GATB: variants seen among roughly 807,000 people sequenced by gnomAD.
The protein encoded by GATB is glutamyl-tRNA(Gln) amidotransferase subunit B, mitochondrial.
A neutral mutation model predicts 62.3 loss-of-function variants in GATB; 39 were observed. The ratio of observed to expected loss-of-function variants is 0.63; its 90% CI spans 0.48 to 0.82. GATB has a LOEUF of 0.82. Ranked by LOEUF, GATB falls within the 40% of genes least tolerant of loss-of-function variation. GATB has a pLI of 0.00. For missense variants in GATB, 670 were observed against 684.0 expected (o/e 0.98, Z 0.23); for synonymous variants, 276 against 258.9 (o/e 1.07, Z -0.63).
chr4:151,682,059 G>A (rs1578896969), intron 10 of GATB, among the ~76,000 whole-genome samples: 2 of 152,282 alleles, frequency 1.3e-5, no homozygotes, highest in Middle Eastern at 6.8e-3. Context: ...GACAGAAAAG[G>A]AACACAAAAT....
intron 5 of GATB, among the ~76,000 whole-genome samples, chr4:151,708,519 T>A (rs1738759454): frequency 6.6e-6 from 1 of 152,188 alleles, no homozygotes; most frequent in African/African-American, 2.4e-5. Flanking sequence ...GCCTCATATA[T>A]CTGATAACCC....
chr4:151,688,781 A>C lies in GATB; in HGVS notation c.1198-18T>G. The C allele has an allele frequency of 6.4e-7, 1 of 1,551,150 alleles. No individual in the cohort carries two copies. The highest frequency in any genetic ancestry group is 8.7e-7 in the Non-Finnish European group (1 of 1,153,008). ...ACTTCGTTCTGTTAAAAAAAAAAAA[A>C]GAAAATTACATAAAGCCTCCCCAAA... On this transcript the variant is annotated intron_variant, in intron 9 of 12. Coordinates refer to ENST00000263985, the MANE Select transcript of GATB (RefSeq NM_004564.3).
intron 6 of GATB, 52 bp from the exon 7 acceptor site, chr4:151,705,321 A>G (rs1560850857): frequency 6.2e-6 from 7 of 1,131,716 alleles, no homozygotes; most frequent in Non-Finnish European, 9.3e-6. Flanking sequence ...CCTTTCATCC[A>G]GTCAAGCAAT....
intron 12 of GATB, chr4:151,672,478 T>G (rs1428638877): frequency 2.8e-6 from 1 of 362,476 alleles, no homozygotes; most frequent in African/African-American, 2.0e-5. Flanking sequence ...AGGTCACAGC[T>G]TGGATTTCGT....
chr4:151,740,851 A>T (rs1476352830), intron 2 of GATB, among the ~76,000 whole-genome samples: 1 of 152,220 alleles, frequency 6.6e-6, no homozygotes, highest in East Asian at 1.9e-4. Context: ...AAATCACCAG[A>T]ACAAAGCCTG....
intron 2 of GATB, among the ~76,000 whole-genome samples, chr4:151,735,911 T>C (rs1052144575): frequency 2.6e-5 from 4 of 151,614 alleles, no homozygotes; most frequent in Admixed American, 6.6e-5. Flanking sequence ...ACAACATACA[T>C]GGTGCAGTCT....
chr4:151,731,088 T>TCCCTCCCCCTCCCCTTCC (rs199597980), intron 2 of GATB, among the ~76,000 whole-genome samples: 1 of 150,208 alleles, frequency 6.7e-6, no homozygotes, highest in East Asian at 2.0e-4. Context: ...AAAAACCCTC[T>TCCCTCCCCCTCCCCTTCC]CCCTCCCCCT....
rs1738603439 is a variant in GATB at position 151,701,463 on chromosome 4, G to A, written c.1063C>T (p.Pro355Ser). ...ACTTGCTGTGGGTCTGCACCTGCGG[G>A]CAGAGATGTGGCGTCGTAGAGCACC... ...PLVLYDATSL[P>S]AGADPQQVIN... The change falls in exon 9 of 13, where the codon CCC (proline) becomes TCC (serine). Residue 355 changes from proline (P) to serine (S), a missense_variant. Transcript: ENST00000263985. 5.0e-6 allele frequency: 8 copies of A among 1,596,950 alleles called. No homozygotes were observed. In the African/African-American group the frequency reaches 6.7e-5, roughly 13 times the overall value.
chr4:151,692,669 C>T (rs1738389749), intron 9 of GATB, among the ~76,000 whole-genome samples: 1 of 152,180 alleles, frequency 6.6e-6, no homozygotes, highest in Admixed American at 6.5e-5. Context: ...TGCCCCTCTC[C>T]TGCCCCCTGC....
intron 5 of GATB, among the ~76,000 whole-genome samples, chr4:151,708,589 A>T (rs1483648097): frequency 6.6e-6 from 1 of 152,190 alleles, no homozygotes; most frequent in African/African-American, 2.4e-5. Context: ...TTTAGAGGAG[A>T]GTCCTTGAGA....
At chr4:151,754,581 C>T (rs895798551) in intron 2 of GATB, among the ~76,000 whole-genome samples, 11 of 152,020 alleles carry the variant, frequency 7.2e-5, no homozygotes, top group East Asian at 1.9e-4. Flanking sequence ...AAGACACAAC[C>T]GACAGAGAAG....
intron 9 of GATB, among the ~76,000 whole-genome samples, chr4:151,694,893 C>A (rs1738437384): frequency 6.6e-6 from 1 of 152,220 alleles, no homozygotes; most frequent in Non-Finnish European, 1.5e-5. Flanking sequence ...CAGCTGTAGT[C>A]ATGATATCTT....
chr4:151,719,403 G>T, intron 3 of GATB, 22 bp downstream of exon 3: 1 of 1,543,392 alleles, frequency 6.5e-7, no homozygotes, highest in Non-Finnish European at 8.9e-7. Flanking sequence ...TTGCAGTGGG[G>T]TGGATCACAA....
In GATB at chr4:151,671,226, C is replaced by G. The variant is rs759877003; in HGVS notation, c.1622G>C (p.Arg541Pro). 8.7e-6 allele frequency: 14 copies of G among 1,613,992 alleles called. No individual in the cohort carries two copies. The South Asian group carries it at 9.9e-5, about 11-fold the overall frequency. ...IGLVRKATQS[R>P]ADPVMIKEIL... ...CTCCTTTATCATGACTGGATCTGCT[C>G]GGCTTTGAGTCGCTTTCCGGACCAA... Residue 541 changes from arginine (R) to proline (P), a missense_variant, in exon 13 of 13, where the codon CGA becomes CCA. Coordinates refer to ENST00000263985, the MANE Select transcript of GATB (RefSeq NM_004564.3).
intron 3 of GATB, among the ~76,000 whole-genome samples, chr4:151,719,006 C>T (rs146807010): frequency 5.9e-5 from 9 of 152,280 alleles, no homozygotes; most frequent in African/African-American, 2.2e-4. Flanking sequence ...GGAGACAGCC[C>T]TATTATTGGG....
intron 9 of GATB, among the ~76,000 whole-genome samples, chr4:151,693,035 G>A (rs1738397719): frequency 6.6e-6 from 1 of 152,318 alleles, no homozygotes; most frequent in African/African-American, 2.4e-5. Flanking sequence ...GTGCTGGGGT[G>A]AGCAGCTGCT....
chr4:151,740,083 A>C (rs1460837274), intron 2 of GATB, among the ~76,000 whole-genome samples: 2 of 152,214 alleles, frequency 1.3e-5, no homozygotes, highest in African/African-American at 4.8e-5. Context: ...CAATCAAGCT[A>C]TTATCTGTAA....
chr4:151,731,674 G>A (rs546950114), intron 2 of GATB, among the ~76,000 whole-genome samples: 5 of 151,278 alleles, frequency 3.3e-5, no homozygotes, highest in South Asian at 4.2e-4. Flanking sequence ...AGTGAGGAGC[G>A]TCTCTGCCCG....
At chr4:151,719,218 G>A (rs1738977153) in intron 3 of GATB, among the ~76,000 whole-genome samples, 1 of 152,236 alleles carries the variant, frequency 6.6e-6, no homozygotes, top group Non-Finnish European at 1.5e-5. Flanking sequence ...TAAGCAAGAA[G>A]TCAGCAATCA....
Sources: allele counts gnomAD v4.1 joint callset (sites outside exome capture counted in the v4.1 genomes callset), GRCh38; gene constraint gnomAD v4.1.1; transcripts MANE v1.5; gene names NCBI Gene and HGNC (gene_info 2026-07-23, HGNC 2026-07-21).